Variants in ENTHD1 observed in about 807,000 individuals in gnomAD.
ENTHD1 encodes the protein ENTH domain containing 1.
A neutral mutation model predicts 39.1 loss-of-function variants in ENTHD1; 23 were observed. The ratio of observed to expected loss-of-function variants is 0.59; its 90% CI spans 0.42 to 0.83. The LOEUF is 0.83. ENTHD1 is among the 40% of genes least tolerant of loss of function. ENTHD1 has a pLI of 0.00. For missense variants in ENTHD1, 624 were observed against 705.4 expected, an observed-to-expected ratio of 0.88 and a Z score of 1.31; for synonymous variants, 230 against 258.2, an observed-to-expected ratio of 0.89 and a Z score of 1.05.
intron 6 of ENTHD1, among the ~76,000 whole-genome samples, chr22:39,757,819 GT>G (rs1490911101): frequency 2.0e-5 from 3 of 152,028 alleles, no homozygotes; most frequent in South Asian, 2.1e-4. Flanking sequence ...TCATGGGGTG[GT>G]TTCCCCCATG....
chr22:39,851,486 T>A (rs1462764579), intron 3 of ENTHD1, among the ~76,000 whole-genome samples: 2 of 152,206 alleles, frequency 1.3e-5, no homozygotes, highest in African/African-American at 4.8e-5. Flanking sequence ...GGATTAAGTA[T>A]GTTCTTTGCT....
chr22:39,863,173 A>G (rs1206316720), intron 2 of ENTHD1, among the ~76,000 whole-genome samples: 3 of 152,206 alleles, frequency 2.0e-5, no homozygotes, highest in African/African-American at 7.2e-5. Context: ...TTATAGCAGC[A>G]CAAGCAGACT....
chr22:39,756,496 C>T, intron 6 of ENTHD1, among the ~76,000 whole-genome samples: 1 of 152,006 alleles, frequency 6.6e-6, no homozygotes, highest in East Asian at 1.9e-4. Context: ...CCACACCTGG[C>T]TAATTTTTGT....
intron 6 of ENTHD1, among the ~76,000 whole-genome samples, chr22:39,747,931 C>T (rs575852363): frequency 3.3e-5 from 5 of 152,198 alleles, no homozygotes; most frequent in African/African-American, 9.6e-5. Flanking sequence ...CATCACTTTA[C>T]AGAACTTATC....
chr22:39,787,305 C>G (rs1438997626), intron 5 of ENTHD1, among the ~76,000 whole-genome samples: 2 of 152,092 alleles, frequency 1.3e-5, no homozygotes, highest in Non-Finnish European at 2.9e-5. Context: ...TGAGACACAA[C>G]AGTATTGAAA....
intron 1 of ENTHD1, among the ~76,000 whole-genome samples, chr22:39,889,668 G>A (rs1370246088): frequency 6.6e-6 from 1 of 152,102 alleles, no homozygotes; most frequent in African/African-American, 2.4e-5. Context: ...ATTAATTTCT[G>A]TATGTGTATT....
chr22:39,825,729 TGA>T (rs2065821334), intron 4 of ENTHD1, among the ~76,000 whole-genome samples: 3 of 152,198 alleles, frequency 2.0e-5, no homozygotes, highest in East Asian at 3.9e-4. Flanking sequence ...GTTTTCTTTT[TGA>T]GAGAGTCTCA....
intron 5 of ENTHD1, among the ~76,000 whole-genome samples, chr22:39,797,527 C>T (rs1396769018): frequency 6.6e-6 from 1 of 152,066 alleles, no homozygotes; most frequent in Non-Finnish European, 1.5e-5. Flanking sequence ...GGTGACTTTT[C>T]TACCAGTGGG....
intron 6 of ENTHD1, among the ~76,000 whole-genome samples, chr22:39,755,527 G>A (rs1056316219): frequency 1.3e-5 from 2 of 152,166 alleles, no homozygotes; most frequent in Non-Finnish European, 1.5e-5. Flanking sequence ...GCTGCTTGAT[G>A]GAGAACTGGA....
intron 5 of ENTHD1, among the ~76,000 whole-genome samples, chr22:39,767,099 G>C (rs775878014): frequency 1.3e-5 from 2 of 152,114 alleles, no homozygotes; most frequent in Non-Finnish European, 2.9e-5. Flanking sequence ...TCATCTTCGT[G>C]TCTCAGCACC....
At chr22:39,850,375 C>T (rs1050684886) in intron 3 of ENTHD1, among the ~76,000 whole-genome samples, 6 of 152,078 alleles carry the variant, frequency 3.9e-5, no homozygotes, top group African/African-American at 1.2e-4. Context: ...CTACACCAGC[C>T]TTCTTTTAGT....
chr22:39,821,170 G>T lies in ENTHD1; in HGVS notation c.712-57C>A, dbSNP rs2065780559. The T allele has an allele frequency of 2.5e-6, 4 of 1,589,962 alleles. No individual in the cohort carries two copies. In the South Asian group the frequency reaches 4.5e-5, roughly 18 times the overall value. On this transcript the variant is annotated intron_variant, in intron 4 of 6. Transcript: ENST00000325157. ...AGAAAAAAATTAATATCCCTGGATG[G>T]ACAATTTATTGAGCTACAAAGTATC...
At chr22:39,822,695 T>C (rs1168343599) in intron 4 of ENTHD1, among the ~76,000 whole-genome samples, 1 of 152,214 alleles carries the variant, frequency 6.6e-6, no homozygotes, top group African/African-American at 2.4e-5. Flanking sequence ...TATAAATCTT[T>C]TTGTGGACAA....
chr22:39,781,730 T>G (rs1442191544), intron 5 of ENTHD1, among the ~76,000 whole-genome samples: 1 of 151,940 alleles, frequency 6.6e-6, no homozygotes, highest in Non-Finnish European at 1.5e-5. Flanking sequence ...AAGTTGGTTT[T>G]TTGAAAAGAT....
chr22:39,765,645 T>C (rs766098726), intron 5 of ENTHD1, 36 bp from the exon 6 acceptor site: 16 of 1,529,384 alleles, frequency 1.0e-5, no homozygotes, highest in Non-Finnish European at 1.3e-5. Context: ...AATCAAAAAA[T>C]AAAACTGAAA....
intron 3 of ENTHD1, among the ~76,000 whole-genome samples, chr22:39,849,456 A>G (rs2066017621): frequency 1.3e-5 from 2 of 152,198 alleles, no homozygotes; most frequent in Non-Finnish European, 2.9e-5. Flanking sequence ...TCAAAATATC[A>G]ATAGTACCAA....
Position 39,810,644 on chromosome 22 carries a change from G to A in ENTHD1, c.832+10349C>T, listed in dbSNP as rs112062469. Among the ~76,000 whole-genome samples the A allele has an allele frequency of 3.8e-3, 574 of 152,300 alleles. 1 individual carries two copies. Among genetic ancestry groups the A allele is most frequent in the South Asian group, 6.8e-3 (33 of 4,828 alleles). On this transcript the variant is annotated intron_variant, in intron 5 of 6. Transcript: ENST00000325157. ...TACCACATTCCAGTATAACTTGCCT[G>A]TTTTTCTGAAAAGCCATGTGGACTG... is the stretch of plus-strand genomic sequence containing the variant.
At chr22:39,826,645 G>A (rs2065828836) in intron 4 of ENTHD1, among the ~76,000 whole-genome samples, 1 of 152,114 alleles carries the variant, frequency 6.6e-6, no homozygotes, top group Admixed American at 6.5e-5. Flanking sequence ...AATATTGAGT[G>A]AACCTTAATG....
chr22:39,797,576 C>T (rs1327248199), intron 5 of ENTHD1, among the ~76,000 whole-genome samples: 1 of 152,070 alleles, frequency 6.6e-6, no homozygotes, highest in Non-Finnish European at 1.5e-5. Flanking sequence ...TAGAAATCAA[C>T]ATTTTGCTTC....
Sources: gnomAD v4.1 joint callset for allele counts (sites outside exome capture counted in the v4.1 genomes callset) on GRCh38, gnomAD v4.1.1 for gene constraint, MANE v1.5 for transcripts, NCBI Gene and HGNC (gene_info 2026-07-23, HGNC 2026-07-21) for gene names.